L3MBTL1: variants seen among roughly 807,000 people sequenced by gnomAD.
L3MBTL1 encodes L3MBTL histone methyl-lysine binding protein 1.
Under a neutral mutation model 105.3 loss-of-function variants are expected in L3MBTL1, and 75 were observed. The ratio of observed to expected loss-of-function variants is 0.71; its 90% confidence interval spans 0.59 to 0.86. The LOEUF is 0.86. Among genes scored for constraint, L3MBTL1 ranks in the 40% least tolerant of loss-of-function variants. L3MBTL1 has a pLI of 0.00. For synonymous variants in L3MBTL1, 452 were observed against 436.2 expected, an observed-to-expected ratio of 1.04 and a Z score of -0.45; for missense variants, 1,069 against 1,126.4, an observed-to-expected ratio of 0.95 and a Z score of 0.73.
At chr20:43,508,220 A>C (rs1467116941) in intron 1 of L3MBTL1, among the ~76,000 whole-genome samples, 1 of 149,448 alleles carries the variant, frequency 6.7e-6, no homozygotes, top group Non-Finnish European at 1.5e-5. Context: ...CCATAAAGAG[A>C]AAGAATAAAA....
chr20:43,514,049 G>A lies in L3MBTL1; in HGVS notation c.348G>A (p.Gly116=), dbSNP rs1044883610. ...EWTEAAAPPP[G]GGLRFRISEY... is the part of the protein sequence containing the mutation. The stretch of plus-strand genomic sequence containing the variant: ...CAGAGGCCGCGGCCCCGCCCCCAGG[G>A]GGCGGCCTGCGGGTCAGTGTCTGTG... Residue 116 remains glycine, a synonymous_variant, in exon 3 of 22, where the codon GGG becomes GGA. Transcript: ENST00000418998. The A allele has an allele frequency of 8.2e-5, 126 of 1,534,184 alleles. No individual in the cohort carries two copies. The highest frequency in any genetic ancestry group is 1.1e-4 in the Non-Finnish European group (126 of 1,146,336).
At chr20:43,516,765 T>G (rs1295952418) in intron 7 of L3MBTL1, among the ~76,000 whole-genome samples, 2 of 145,294 alleles carry the variant, frequency 1.4e-5, no homozygotes, top group East Asian at 2.1e-4. Flanking sequence ...ACAGTATCTG[T>G]TTTTTTTTTT....
At position 43,536,307 on chromosome 20, in the gene L3MBTL1, G is replaced by A; in HGVS notation, c.2123+13G>A. On this transcript the variant is annotated intron_variant, in intron 18 of 21. Coordinates refer to ENST00000418998, the MANE Select transcript of L3MBTL1 (RefSeq NM_001377303.1). ...GCCATCACGGCCGGTATGGAGGCCA[G>A]GGAATCAGGGCCCGGGCTTCCTGGG... The A allele has an allele frequency of 1.2e-6, 2 of 1,612,326 alleles. No homozygotes were observed. The highest frequency in any genetic ancestry group is 1.7e-5 in the Admixed American group (1 of 59,900).
At chr20:43,544,624 A>G (rs1050193522), downstream of L3MBTL1, among the ~76,000 whole-genome samples, 1 of 152,160 alleles carries the variant, frequency 6.6e-6, no homozygotes, top group Admixed American at 6.5e-5. Context: ...GAGAAATCTC[A>G]GGCGATATAC....
chr20:43,522,960 T>G (rs1333476313), intron 7 of L3MBTL1, among the ~76,000 whole-genome samples: 1 of 151,026 alleles, frequency 6.6e-6, no homozygotes, highest in Non-Finnish European at 1.5e-5. Flanking sequence ...AAAAAAAAAT[T>G]AGCTGGGCAT....
intron 1 of L3MBTL1, among the ~76,000 whole-genome samples, 195 bp from the exon 2 acceptor site, chr20:43,513,281 C>T (rs1171750887): frequency 6.6e-6 from 1 of 152,220 alleles, no homozygotes; most frequent in South Asian, 2.1e-4. Context: ...GGTGCAGGGC[C>T]TGGCCAGAAC....
chr20:43,540,133 T>C lies in L3MBTL1; in HGVS notation c.2174-18T>C, dbSNP rs781531013. 3.1e-6 allele frequency: 5 copies of C among 1,609,464 alleles called. No homozygotes were observed. In the South Asian group the frequency reaches 5.5e-5, roughly 18 times the overall value. On this transcript the variant is annotated intron_variant, in intron 19 of 21. Transcript: ENST00000418998. Reference sequence around the variant, plus strand: ...AGTCATCCTCGTTGGCCTGCCAGCCTCTGCCTCTGCTTTCCAGCCCTCACG... The same window carrying C: ...AGTCATCCTCGTTGGCCTGCCAGCCCCTGCCTCTGCTTTCCAGCCCTCACG...
At chr20:43,540,651 G>A in intron 20 of L3MBTL1, 102 bp from the exon 21 acceptor site, 1 of 1,112,024 alleles carries the variant, frequency 9.0e-7, no homozygotes, top group South Asian at 1.4e-5. Context: ...GTGAGAAAAA[G>A]CAGCATTGGC....
In L3MBTL1 at chr20:43,534,295, C is replaced by T; in HGVS notation, c.1611C>T (p.His537=). The stretch of plus-strand genomic sequence containing the variant: ...TGTCCCCTCTGCAGCGACCCCCTCA[C>T]AGCTTCCTGGTCAATATGAAGCTGG... ...PTWAFKVRPP[H]SFLVNMKLEA... Residue 537 remains histidine, a synonymous_variant, in exon 15 of 22, where the codon CAC becomes CAT. Transcript: ENST00000418998. 6.2e-7 allele frequency: 1 copy of T among 1,613,982 alleles called. No homozygotes were observed. The highest frequency in any genetic ancestry group is 8.5e-7 in the Non-Finnish European group (1 of 1,179,970).
chr20:43,509,512 C>T (rs2018076927), intron 1 of L3MBTL1, among the ~76,000 whole-genome samples: 1 of 152,234 alleles, frequency 6.6e-6, no homozygotes, highest in Non-Finnish European at 1.5e-5. Context: ...CAGGCATGAG[C>T]CACCAGGCCT....
chr20:43,538,699 T>C (rs1237721655), intron 19 of L3MBTL1, among the ~76,000 whole-genome samples: 2 of 152,140 alleles, frequency 1.3e-5, no homozygotes, highest in Non-Finnish European at 2.9e-5. Context: ...TGGTCTGCAG[T>C]TAGATAAGAC....
intron 13 of L3MBTL1, among the ~76,000 whole-genome samples, chr20:43,533,734 G>A (rs1308434437): frequency 6.6e-6 from 1 of 152,184 alleles, no homozygotes; most frequent in Non-Finnish European, 1.5e-5. Flanking sequence ...ATACAGTAGA[G>A]ATTCAAATGG....
chr20:43,530,803 A>AAGG lies in L3MBTL1; in HGVS notation c.1207_1209dup (p.Glu403dup). ...ATGCCCCTCGAGGGGCCTAGGTTAC[A>AAGG]AGGAGGAGGAGTTCAGCTGGAGCCA... On this transcript the variant is annotated inframe_insertion, in exon 11 of 22. Transcript: ENST00000418998. 2.5e-6 allele frequency: 4 copies of AAGG among 1,613,988 alleles called. No homozygotes were observed. The highest frequency in any genetic ancestry group is 3.4e-6 in the Non-Finnish European group (4 of 1,179,952).
intron 18 of L3MBTL1, among the ~76,000 whole-genome samples, chr20:43,547,266 A>C (rs1017623525): frequency 6.6e-6 from 1 of 151,478 alleles, no homozygotes; most frequent in Non-Finnish European, 1.5e-5. Context: ...CACCACGCCC[A>C]GCTAATTTTT....
Position 43,536,177 on chromosome 20 carries a change from C to T in L3MBTL1, c.2006C>T (p.Pro669Leu). The change falls in exon 18 of 22, where the codon CCA becomes CTA. Residue 669 changes from proline (P) to leucine (L), a missense_variant. Transcript: ENST00000418998. ...FTAHHCLSGC[P>L]LAERNQSRLK... ...GCTCACCATTGCCTCTCAGGCTGCC[C>T]ACTGGCTGAGAGGAACCAGAGCCGG... 4.3e-6 allele frequency: 7 copies of T among 1,613,662 alleles called. No homozygotes were observed. Among genetic ancestry groups the T allele is most frequent in the Non-Finnish European group, 5.9e-6 (7 of 1,179,990 alleles).
At chr20:43,538,444 C>T (rs879785371) in intron 19 of L3MBTL1, among the ~76,000 whole-genome samples, 1 of 152,234 alleles carries the variant, frequency 6.6e-6, no homozygotes, top group African/African-American at 2.4e-5. Context: ...TTCCACAGGG[C>T]ACCCCTGCTC....
intron 8 of L3MBTL1, 156 bp downstream of exon 8, chr20:43,528,901 G>C: frequency 4.6e-6 from 3 of 654,254 alleles, no homozygotes; most frequent in Non-Finnish European, 8.1e-6. Context: ...GAGTGGAAAA[G>C]GGCCCCCCAT....
chr20:43,540,399 C>T (rs1046607532), intron 20 of L3MBTL1, 91 bp downstream of exon 20: 18 of 1,417,654 alleles, frequency 1.3e-5, no homozygotes, highest in Middle Eastern at 1.9e-4. Flanking sequence ...AGGTAGAACC[C>T]GGTACCACTC....
chr20:43,515,340 C>A lies in L3MBTL1; in HGVS notation c.702C>A (p.Leu234=). Residue 234 remains leucine (L), a synonymous_variant, in exon 6 of 22, where the codon CTC becomes CTA. Transcript: ENST00000418998. ...NSSGSTSASE[L]LKPMKKRKRR... ...CAGGCTCTACCAGCGCTTCTGAGCT[C>A]CTCAAACCCATGAAGAAGAGGAAGC... The A allele has an allele frequency of 6.3e-7, 1 of 1,582,700 alleles. No homozygotes were observed. The highest frequency in any genetic ancestry group is 8.6e-7 in the Non-Finnish European group (1 of 1,162,926).
Sources: gnomAD v4.1 joint callset for allele counts (sites outside exome capture counted in the v4.1 genomes callset) on GRCh38, gnomAD v4.1.1 for gene constraint, MANE v1.5 for transcripts, NCBI Gene and HGNC (gene_info 2026-07-23, HGNC 2026-07-21) for gene names.